The following KCNK2 variants were observed in gnomAD, a reference collection of about 807,000 sequenced individuals.
KCNK2 encodes potassium channel subfamily K member 2.
Under a neutral mutation model 40.5 loss-of-function variants are expected in KCNK2, and 21 were observed. The ratio of observed to expected loss-of-function variants is 0.52; its 90% CI spans 0.37 to 0.75. The LOEUF is 0.75. Among genes scored for constraint, KCNK2 ranks in the 30% least tolerant of loss-of-function variants. The pLI is 0.00. For missense variants in KCNK2, 399 were observed against 531.6 expected (o/e 0.75, Z 2.45); for synonymous variants, 191 against 202.2 (o/e 0.94, Z 0.47).
chr1:215,205,523 G>A (rs868299088), intron 6 of KCNK2, among the ~76,000 whole-genome samples: 1 of 152,120 alleles, frequency 6.6e-6, no homozygotes, highest in Admixed American at 6.5e-5. Context: ...GATTACAGGC[G>A]TGAGCCACTG....
chr1:215,025,003 A>G (rs1021744896), intron 1 of KCNK2, among the ~76,000 whole-genome samples: 5 of 145,796 alleles, frequency 3.4e-5, no homozygotes, highest in African/African-American at 7.6e-5. Flanking sequence ...TTATGTTGCA[A>G]TTTGTGAATT....
At chr1:215,192,366 AC>A (rs1229886768) in intron 5 of KCNK2, among the ~76,000 whole-genome samples, 4 of 152,186 alleles carry the variant, frequency 2.6e-5, no homozygotes, top group Non-Finnish European at 5.9e-5. Flanking sequence ...CTCCACTAAA[AC>A]TTGTGGGTTG....
chr1:215,138,057 C>G (rs1030869648), intron 3 of KCNK2, among the ~76,000 whole-genome samples: 2 of 152,094 alleles, frequency 1.3e-5, no homozygotes, highest in African/African-American at 4.8e-5. Flanking sequence ...CAATTTTGTG[C>G]TACTTCAAAA....
chr1:215,219,708 A>T (rs893446122), intron 6 of KCNK2, among the ~76,000 whole-genome samples: 2 of 152,158 alleles, frequency 1.3e-5, no homozygotes, highest in Admixed American at 1.3e-4. Context: ...TTTTATGTTT[A>T]TCCCTTTCAT....
intron 3 of KCNK2, among the ~76,000 whole-genome samples, chr1:215,155,908 A>C (rs1662898519): frequency 6.6e-6 from 1 of 152,076 alleles, no homozygotes; most frequent in South Asian, 2.1e-4. Flanking sequence ...AAGTATCTTG[A>C]GGTGTTTATA....
At chr1:215,191,319 C>T (rs1664656288) in intron 5 of KCNK2, among the ~76,000 whole-genome samples, 1 of 151,692 alleles carries the variant, frequency 6.6e-6, no homozygotes, top group Non-Finnish European at 1.5e-5. Flanking sequence ...AAGGTGTCTG[C>T]CACGGCCTCA....
At chr1:215,181,534 C>A (rs1664214523) in intron 5 of KCNK2, among the ~76,000 whole-genome samples, 2 of 151,980 alleles carry the variant, frequency 1.3e-5, no homozygotes, top group Admixed American at 1.3e-4. Context: ...TTTTATTTTT[C>A]TTTCTTTCTC....
intron 1 of KCNK2, among the ~76,000 whole-genome samples, chr1:215,011,297 T>A (rs977212639): frequency 3.3e-5 from 5 of 152,136 alleles, no homozygotes; most frequent in Non-Finnish European, 7.4e-5. Flanking sequence ...TTGAGTCTGA[T>A]TTCTTTTTTT....
intron 5 of KCNK2, 52 bp downstream of exon 5, chr1:215,172,235 A>C: frequency 1.3e-6 from 2 of 1,481,500 alleles, no homozygotes. Flanking sequence ...TTTATTAGAT[A>C]GATTTTTCAC....
chr1:215,024,941 A>C (rs1474164035), intron 1 of KCNK2, among the ~76,000 whole-genome samples: 1 of 116,928 alleles, frequency 8.6e-6, no homozygotes, highest in Non-Finnish European at 1.8e-5. Context: ...ATGTATCTAC[A>C]GGAGTTTTTT....
intron 5 of KCNK2, among the ~76,000 whole-genome samples, chr1:215,182,428 C>G (rs1571703593): frequency 6.6e-6 from 1 of 152,048 alleles, no homozygotes; most frequent in African/African-American, 2.4e-5. Flanking sequence ...TGGAGTTCTC[C>G]CTGGGGTTTC....
At chr1:215,184,867 T>C (rs1664369482) in intron 5 of KCNK2, among the ~76,000 whole-genome samples, 1 of 152,068 alleles carries the variant, frequency 6.6e-6, no homozygotes, top group Non-Finnish European at 1.5e-5. Context: ...CCTCATGATC[T>C]GAGACCAAAA....
At chr1:215,138,457 G>A (rs371576449) in intron 3 of KCNK2, among the ~76,000 whole-genome samples, 1 of 152,026 alleles carries the variant, frequency 6.6e-6, no homozygotes, top group African/African-American at 2.4e-5. Context: ...AAAAATCAGG[G>A]GATAGAAATT....
chr1:215,153,961 G>A (rs568682008), intron 3 of KCNK2, among the ~76,000 whole-genome samples: 19 of 152,266 alleles, frequency 1.2e-4, no homozygotes, highest in African/African-American at 4.6e-4. Context: ...TCTATGGTAT[G>A]TATGTACCAC....
intron 1 of KCNK2, among the ~76,000 whole-genome samples, chr1:215,040,768 T>C (rs1361587027): frequency 2.6e-5 from 4 of 152,134 alleles, no homozygotes; most frequent in African/African-American, 9.7e-5. Flanking sequence ...ATATCAACTT[T>C]CAATGCCCAG....
At chr1:215,162,131 T>A (rs1042792920) in intron 3 of KCNK2, among the ~76,000 whole-genome samples, 1 of 152,212 alleles carries the variant, frequency 6.6e-6, no homozygotes, top group Non-Finnish European at 1.5e-5. Flanking sequence ...TGATATGACA[T>A]GGTATCTCAT....
At chr1:215,010,613 G>T (rs1172876861) in intron 1 of KCNK2, among the ~76,000 whole-genome samples, 1 of 152,100 alleles carries the variant, frequency 6.6e-6, no homozygotes, top group Non-Finnish European at 1.5e-5. Flanking sequence ...AAAGTGTTTT[G>T]TTTCCATTAG....
At chr1:215,032,991 A>G (rs1476792720) in intron 1 of KCNK2, among the ~76,000 whole-genome samples, 2 of 151,844 alleles carry the variant, frequency 1.3e-5, no homozygotes, top group Non-Finnish European at 2.9e-5. Context: ...CATTATATGT[A>G]GGTTACACTT....
intron 2 of KCNK2, among the ~76,000 whole-genome samples, chr1:215,097,699 T>C (rs1051099943): frequency 3.9e-5 from 6 of 152,008 alleles, no homozygotes; most frequent in Non-Finnish European, 7.4e-5. Flanking sequence ...GTGAAAGTGA[T>C]GGTGTGATTC....
Sources: allele counts gnomAD v4.1 joint callset (sites outside exome capture counted in the v4.1 genomes callset), GRCh38; gene constraint gnomAD v4.1.1; transcripts MANE v1.5; gene names NCBI Gene and HGNC (gene_info 2026-07-23, HGNC 2026-07-21).